GRM7: variants seen among roughly 807,000 people sequenced by gnomAD.
GRM7 encodes the protein metabotropic glutamate receptor 7.
GRM7 carries 35 observed loss-of-function variants against 84.5 expected under a neutral mutation model. The observed-to-expected ratio is 0.41, with a 90% confidence interval of 0.32 to 0.55. GRM7 has a LOEUF of 0.55. Ranked by LOEUF, GRM7 falls within the 20% of genes least tolerant of loss-of-function variation. The pLI is 0.19. For missense variants in GRM7, 1,003 were observed against 1,194.6 expected, an observed-to-expected ratio of 0.84 and a Z score of 2.36; for synonymous variants, 487 against 455.1, an observed-to-expected ratio of 1.07 and a Z score of -0.89.
At chr3:6,948,835 T>A (rs1698193811) in intron 1 of GRM7, among the ~76,000 whole-genome samples, 1 of 152,214 alleles carries the variant, frequency 6.6e-6, no homozygotes, top group African/African-American at 2.4e-5. Flanking sequence ...GTTTTGATCT[T>A]TGTTGGTTTA....
chr3:6,973,975 G>A (rs1354187329), intron 1 of GRM7, among the ~76,000 whole-genome samples: 1 of 152,168 alleles, frequency 6.6e-6, no homozygotes, highest in African/African-American at 2.4e-5. Context: ...TGAACAGAGA[G>A]ACCAGTTACC....
At chr3:7,302,475 C>A (rs552072676) in intron 3 of GRM7, among the ~76,000 whole-genome samples, 48 of 152,116 alleles carry the variant, frequency 3.2e-4, no homozygotes, top group Non-Finnish European at 5.9e-5. Context: ...ACTTTCTTTT[C>A]CTGTTTTACT....
chr3:7,049,708 A>G (rs1052682829), intron 1 of GRM7, among the ~76,000 whole-genome samples: 2 of 151,970 alleles, frequency 1.3e-5, no homozygotes, highest in Admixed American at 1.3e-4. Context: ...AAGAAGCCCA[A>G]CATAGGCATG....
chr3:7,712,938 T>C (rs762650850), intron 9 of GRM7, among the ~76,000 whole-genome samples: 1 of 152,016 alleles, frequency 6.6e-6, no homozygotes, highest in Non-Finnish European at 1.5e-5. Flanking sequence ...TCTTCATTCA[T>C]GTGGCCTTCC....
At chr3:6,877,970 C>A (rs1169969250) in intron 1 of GRM7, among the ~76,000 whole-genome samples, 2 of 148,244 alleles carry the variant, frequency 1.3e-5, no homozygotes, top group Non-Finnish European at 3.0e-5. Context: ...TTTTACAGAT[C>A]TGTGGTTACA....
chr3:7,258,220 T>C (rs1698280115), intron 2 of GRM7, among the ~76,000 whole-genome samples: 1 of 152,188 alleles, frequency 6.6e-6, no homozygotes, highest in Non-Finnish European at 1.5e-5. Context: ...GTTCTACCAC[T>C]GCCCCATTTC....
At chr3:7,199,452 AG>A (rs1230486104) in intron 2 of GRM7, among the ~76,000 whole-genome samples, 2 of 152,250 alleles carry the variant, frequency 1.3e-5, no homozygotes, top group African/African-American at 4.8e-5. Flanking sequence ...AAATTCCGTA[AG>A]GTTGTTTATT....
intron 2 of GRM7, among the ~76,000 whole-genome samples, chr3:7,213,361 G>T (rs1478978858): frequency 1.3e-5 from 2 of 152,116 alleles, no homozygotes; most frequent in Middle Eastern, 3.4e-3. Context: ...CTCATAATAA[G>T]ATTATTGAGT....
intron 9 of GRM7, among the ~76,000 whole-genome samples, chr3:7,730,286 G>T (rs917725806): frequency 5.3e-5 from 8 of 152,190 alleles, no homozygotes; most frequent in Non-Finnish European, 1.2e-4. Context: ...GATTACAAGC[G>T]TGAGCCACTG....
At chr3:6,932,121 C>T (rs911834624) in intron 1 of GRM7, among the ~76,000 whole-genome samples, 1 of 152,176 alleles carries the variant, frequency 6.6e-6, no homozygotes, top group Non-Finnish European at 1.5e-5. Context: ...AACAACTGCT[C>T]TCTATTTGAA....
chr3:7,725,292 GA>G lies in GRM7; in HGVS notation c.2699-15057del, dbSNP rs989624033. Among the ~76,000 whole-genome samples, 8 of 152,310 alleles carry G rather than the reference GA, an allele frequency of 5.3e-5. No individual in the cohort carries two copies. In the South Asian group the frequency reaches 6.2e-4, roughly 12 times the overall value. ...ACAGCCATCTTTGGGAATATCTTGG[GA>G]AAAAAAATTCTGGAACAGATAGTTA... On this transcript the variant is annotated intron_variant, in intron 9 of 9. Coordinates refer to ENST00000357716, the MANE Select transcript of GRM7 (RefSeq NM_000844.4).
chr3:7,484,798 C>T (rs905925041), intron 7 of GRM7, among the ~76,000 whole-genome samples: 1 of 152,132 alleles, frequency 6.6e-6, no homozygotes, highest in African/African-American at 2.4e-5. Flanking sequence ...ATGTGCATTC[C>T]CTTCTTTTTG....
chr3:7,304,609 T>C (rs1425558890), intron 3 of GRM7, among the ~76,000 whole-genome samples: 1 of 152,022 alleles, frequency 6.6e-6, no homozygotes, highest in Non-Finnish European at 1.5e-5. Flanking sequence ...TTGGGTTGAT[T>C]ATTGGTAAGA....
chr3:7,273,633 C>T (rs1698947029), intron 2 of GRM7, among the ~76,000 whole-genome samples: 1 of 151,996 alleles, frequency 6.6e-6, no homozygotes, highest in Non-Finnish European at 1.5e-5. Flanking sequence ...ACTTTCCTTG[C>T]TCTGAAGTCT....
chr3:7,307,455 C>CT (rs1700233464), intron 4 of GRM7, among the ~76,000 whole-genome samples: 1 of 152,190 alleles, frequency 6.6e-6, no homozygotes, highest in African/African-American at 2.4e-5. Context: ...TTAAAAAGAA[C>CT]TCTATCCTCT....
At chr3:7,105,396 G>A (rs1355081928) in intron 1 of GRM7, among the ~76,000 whole-genome samples, 2 of 151,814 alleles carry the variant, frequency 1.3e-5, no homozygotes, top group African/African-American at 4.8e-5. Context: ...CTATTGTTAA[G>A]TACAATGGTA....
At chr3:7,166,536 A>G (rs930062093) in intron 2 of GRM7, among the ~76,000 whole-genome samples, 1 of 152,124 alleles carries the variant, frequency 6.6e-6, no homozygotes, top group African/African-American at 2.4e-5. Flanking sequence ...CTGGGAGATT[A>G]TTTTGGTGTC....
At chr3:7,159,948 A>G (rs891639069) in intron 2 of GRM7, among the ~76,000 whole-genome samples, 8 of 152,178 alleles carry the variant, frequency 5.3e-5, no homozygotes, top group South Asian at 2.1e-4. Context: ...ATTTGCTATT[A>G]TGAAAAGCAT....
chr3:7,016,917 C>T (rs1695586446), intron 1 of GRM7, among the ~76,000 whole-genome samples: 1 of 152,146 alleles, frequency 6.6e-6, no homozygotes, highest in African/African-American at 2.4e-5. Context: ...CAGTTTTAAA[C>T]CCTTGCTCCT....
Sources: allele counts gnomAD v4.1 joint callset (sites outside exome capture counted in the v4.1 genomes callset), GRCh38; gene constraint gnomAD v4.1.1; transcripts MANE v1.5; gene names NCBI Gene and HGNC (gene_info 2026-07-23, HGNC 2026-07-21).